PCNX3: variants seen among roughly 807,000 people sequenced by gnomAD.
PCNX3 encodes the protein pecanex 3, also known as pecanex-like protein 3.
In PCNX3, 58 loss-of-function variants were observed where a neutral mutation model predicts 207.2. The ratio of observed to expected loss-of-function variants is 0.28; its 90% CI spans 0.23 to 0.35. PCNX3 has a LOEUF of 0.35. PCNX3 is among the 10% of genes least tolerant of loss of function. The pLI, the probability that PCNX3 is intolerant of heterozygous loss-of-function variation, is 1.00. For missense variants in PCNX3, 2,410 were observed against 2,774.4 expected (o/e 0.87, Z 2.95); for synonymous variants, 1,337 against 1,183.5 (o/e 1.13, Z -2.66).
intron 27 of PCNX3, among the ~76,000 whole-genome samples, chr11:65,631,705 C>T (rs756962609): frequency 7.9e-5 from 12 of 151,846 alleles, no homozygotes; most frequent in Non-Finnish European, 1.6e-4. Context: ...AATAAGCGTA[C>T]TGGGAGTGGG....
In PCNX3 at chr11:65,617,674, A is replaced by T. The variant is rs767099435; in HGVS notation, c.545A>T (p.Glu182Val). The change falls in exon 5 of 35, where the codon GAG (glutamate) becomes GTG (valine). Residue 182 changes from glutamate to valine, a missense_variant. By Grantham distance (121) the Glu-to-Val change is moderately radical. Coordinates refer to ENST00000355703, the MANE Select transcript of PCNX3 (RefSeq NM_032223.4). Reference protein sequence around the residue: ...NNVIVTSADREMLKLSSQEKL... With the variant: ...NNVIVTSADRVMLKLSSQEKL... ...GTGATCGTGACTTCTGCCGACCGAG[A>T]GATGCTGAAGCTCAGCTCGCAGGAG... 2.5e-6 allele frequency: 4 copies of T among 1,581,382 alleles called. No individual in the cohort carries two copies. The South Asian group carries it at 4.6e-5, about 18-fold the overall frequency.
chr11:65,630,923 TG>T (rs1405131808), intron 27 of PCNX3, among the ~76,000 whole-genome samples: 2 of 152,154 alleles, frequency 1.3e-5, no homozygotes, highest in East Asian at 3.9e-4. Flanking sequence ...CACAGAGCAG[TG>T]GTAGAGCTAA....
At position 65,617,478 on chromosome 11, in the gene PCNX3, G is replaced by T. The variant is rs368666715; in HGVS notation, c.450G>T (p.Leu150=). Residue 150 remains leucine, a synonymous_variant, in exon 4 of 35, where the codon CTG becomes CTT. Transcript: ENST00000355703. Reference sequence around the variant, plus strand: ...GCTCTCTGTCTACTCAGGAGCTGCTGCCCCGAATGGAGGACTCTGGGCCCC... The same window carrying T: ...GCTCTCTGTCTACTCAGGAGCTGCTTCCCCGAATGGAGGACTCTGGGCCCC... ...VFGFNQVSEL[L]PRMEDSGPLR... 4.6e-5 allele frequency: 74 copies of T among 1,613,836 alleles called. No individual in the cohort carries two copies. The African/African-American group carries it at 9.2e-4, about 20-fold the overall frequency.
intron 6 of PCNX3, chr11:65,619,281 GTC>G (rs1424699119): frequency 1.8e-5 from 7 of 380,054 alleles, no homozygotes; most frequent in Non-Finnish European, 2.5e-5. Context: ...TAGCACCTGA[GTC>G]TCTGTCCCCT....
Position 65,637,054 on chromosome 11 carries a change from G to A in PCNX3, c.*76G>A, listed in dbSNP as rs771570052. ...TCTGCTGCCTCTCTGCTGGACCACA[G>A]AACTGAGTGGCTTTGGCCTACATGT... On this transcript the variant is annotated 3_prime_UTR_variant, in exon 35 of 35. Transcript: ENST00000355703. 2.1e-6 allele frequency: 3 copies of A among 1,458,866 alleles called. No individual in the cohort carries two copies. The highest frequency in any genetic ancestry group is 2.8e-6 in the Non-Finnish European group (3 of 1,084,372). The allele number at this position is 1,458,866 out of a possible 1,614,324, so 90.4% of individuals were successfully genotyped here. A position where few individuals can be genotyped will look rare whatever the true frequency, so the allele number is the denominator to read the frequency against.
chr11:65,621,236 C>T (rs1565158052), intron 10 of PCNX3, among the ~76,000 whole-genome samples: 3 of 152,170 alleles, frequency 2.0e-5, no homozygotes, highest in African/African-American at 7.2e-5. Flanking sequence ...TGAACAGGGG[C>T]CATGGGTGTT....
At chr11:65,623,845 A>G (rs1855238079) in intron 12 of PCNX3, 84 bp from the exon 13 acceptor site, 2 of 1,589,716 alleles carry the variant, frequency 1.3e-6, no homozygotes, top group Admixed American at 1.7e-5. Flanking sequence ...ATAACTGCCT[A>G]GTGGTGGAGC....
rs1483341285 is a variant in PCNX3, at chr11:65,634,666, G to T, written c.4805+25G>T. 4 of 1,534,016 alleles carry T rather than the reference G, an allele frequency of 2.6e-6. No homozygotes were observed. In the East Asian group the frequency reaches 9.7e-5, roughly 37 times the overall value. ...GGTGAGTGCTCGGGTGTCCCGCGGGGCCTACTGCCGTCCCCACCCCACCTC... is the reference window on the plus strand; with the variant it reads ...GGTGAGTGCTCGGGTGTCCCGCGGGTCCTACTGCCGTCCCCACCCCACCTC... On this transcript the variant is annotated intron_variant, in intron 29 of 34. Transcript: ENST00000355703.
Position 65,635,319 on chromosome 11 carries a change from A to G in PCNX3, c.5055A>G (p.Pro1685=), listed in dbSNP as rs1248260077. 1 of 1,601,348 alleles carries G rather than the reference A, an allele frequency of 6.2e-7. No individual in the cohort carries two copies. The highest frequency in any genetic ancestry group is 8.5e-7 in the Non-Finnish European group (1 of 1,175,096). The change falls in exon 31 of 35, where the codon CCA becomes CCG. Residue 1685 remains proline (P), a synonymous_variant. Transcript: ENST00000355703. This position sits in a 1 kb window ranked among gnomAD's most constrained non-coding sequence, Gnocchi z 9.9. ...TGGTCATCTCACATGAGGGTGACCCAGCATGGCGCAGCGCCATCCTCAGCA... is the reference window on the plus strand; with the variant it reads ...TGGTCATCTCACATGAGGGTGACCCGGCATGGCGCAGCGCCATCCTCAGCA... ...ERLVISHEGD[P]AWRSAILSNT... is the part of the protein sequence containing the mutation.
chr11:65,617,416 T>C (rs1047440471), intron 3 of PCNX3, 54 bp from the exon 4 acceptor site: 1 of 1,613,610 alleles, frequency 6.2e-7, no homozygotes, highest in African/African-American at 1.3e-5. Context: ...TGTGGGTGCA[T>C]CCTGAGCCTA....
At position 65,626,909 on chromosome 11, in the gene PCNX3, G is replaced by A. The variant is rs1286267409; in HGVS notation, c.3385G>A (p.Ala1129Thr). ...GTCCTGGCCTCTCCACACAGGTGCC[G>A]CCCAGGTGATGTGGTTTGAGAAGCT... is the stretch of plus-strand genomic sequence containing the variant. ...EYSQYEVRGAAQVMWFEKLYA... is the reference protein window; with the variant it reads ...EYSQYEVRGATQVMWFEKLYA... The change falls in exon 21 of 35, where the codon GCC becomes ACC. Residue 1129 changes from alanine to threonine, a missense_variant. By Grantham distance (58) the Ala-to-Thr change is moderately conservative. This residue lies in a region of PCNX3 where 333 missense variants were observed against 386.8 expected (regional missense o/e 0.86). Transcript: ENST00000355703. 4.4e-6 allele frequency: 7 copies of A among 1,585,778 alleles called. No homozygotes were observed. The highest frequency in any genetic ancestry group is 1.8e-5 in the Admixed American group (1 of 55,976).
In PCNX3 at chr11:65,625,315, C is replaced by A; in HGVS notation, c.3029+35C>A. ...CTCCGGGTCGTGTGTTTGTGTCTGCCCAGTAGGGGTTTGTGGTCTGTGCAT... is the reference window on the plus strand; with the variant it reads ...CTCCGGGTCGTGTGTTTGTGTCTGCACAGTAGGGGTTTGTGGTCTGTGCAT... On this transcript the variant is annotated intron_variant, in intron 17 of 34. Coordinates refer to ENST00000355703, the MANE Select transcript of PCNX3 (RefSeq NM_032223.4). The surrounding 1 kb of genome is among the most constrained non-coding windows in gnomAD (Gnocchi z 5.6). 6.3e-7 allele frequency: 1 copy of A among 1,594,654 alleles called. No individual in the cohort carries two copies. The highest frequency in any genetic ancestry group is 8.5e-7 in the Non-Finnish European group (1 of 1,169,782).
intron 33 of PCNX3, 29 bp downstream of exon 33, chr11:65,636,336 T>A: frequency 6.2e-7 from 1 of 1,608,516 alleles, no homozygotes; most frequent in South Asian, 1.1e-5. Flanking sequence ...GCTGAACCCG[T>A]GGGTGAGGAG....
At position 65,618,282 on chromosome 11, in the gene PCNX3, G is replaced by A. The variant is rs1369923240; in HGVS notation, c.920G>A (p.Arg307Lys). The part of the protein sequence containing the change: ...SSDSCFSGTD[R>K]ETLSSFKSEK... The stretch of plus-strand genomic sequence containing the variant: ...GACTCCTGCTTCAGCGGCACTGACA[G>A]GGAGACATTGAGCAGCTTCAAGAGT... Residue 307 changes from arginine (R) to lysine (K), a missense_variant, in exon 6 of 35, where the codon AGG becomes AAG. Physicochemically the swap from Arg to Lys is conservative, Grantham distance 26. Transcript: ENST00000355703. 6.2e-7 allele frequency: 1 copy of A among 1,610,248 alleles called. No individual in the cohort carries two copies. The highest frequency in any genetic ancestry group is 8.5e-7 in the Non-Finnish European group (1 of 1,178,194).
At chr11:65,621,840 G>A (rs1264638146) in intron 10 of PCNX3, among the ~76,000 whole-genome samples, 1 of 152,242 alleles carries the variant, frequency 6.6e-6, no homozygotes, top group African/African-American at 2.4e-5. Flanking sequence ...ATGCACGCTC[G>A]GATGGGGTAG....
Position 65,636,575 on chromosome 11 carries a change from C to A in PCNX3, c.5778C>A (p.Leu1926=). ...CCTCACGGCCCCCTGGCCCGGGTCTCCTCAGTTCTGAGGGCCCCAGTGGAA... is the reference window on the plus strand; with the variant it reads ...CCTCACGGCCCCCTGGCCCGGGTCTACTCAGTTCTGAGGGCCCCAGTGGAA... ...PRTSRPPGPG[L]LSSEGPSGKW... is the part of the protein sequence containing the mutation. Residue 1926 remains leucine, a synonymous_variant, in exon 34 of 35, where the codon CTC becomes CTA. Coordinates refer to ENST00000355703, the MANE Select transcript of PCNX3 (RefSeq NM_032223.4). The A allele has an allele frequency of 6.3e-7, 1 of 1,596,706 alleles. No individual in the cohort carries two copies. The highest frequency in any genetic ancestry group is 2.3e-5 in the East Asian group (1 of 44,204).
chr11:65,633,497 C>T (rs556141137), intron 27 of PCNX3, among the ~76,000 whole-genome samples: 5 of 152,302 alleles, frequency 3.3e-5, no homozygotes, highest in South Asian at 4.1e-4. Flanking sequence ...GGGGAAGGTC[C>T]GGGGTTCAGG....
chr11:65,617,212 G>A, intron 2 of PCNX3, 38 bp from the exon 3 acceptor site: 2 of 1,546,646 alleles, frequency 1.3e-6, no homozygotes, highest in South Asian at 1.2e-5. Context: ...ACACAGAGGA[G>A]AGGTTAGCTC....
At chr11:65,621,179 C>T (rs942006507) in intron 10 of PCNX3, among the ~76,000 whole-genome samples, 1 of 152,208 alleles carries the variant, frequency 6.6e-6, no homozygotes, top group Non-Finnish European at 1.5e-5. Flanking sequence ...TATTTGCTTA[C>T]TACGAATTCC....
Sources: gnomAD v4.1 joint callset for allele counts (sites outside exome capture counted in the v4.1 genomes callset) on GRCh38, gnomAD v4.1.1 for gene constraint, gnomAD v4.1.1 regional missense constraint, Gnocchi (gnomAD v3.1) non-coding constraint, MANE v1.5 for transcripts, NCBI Gene and HGNC (gene_info 2026-07-23, HGNC 2026-07-21) for gene names.